Variants in CSMD1 observed in about 807,000 individuals in gnomAD.
CSMD1 encodes the protein CUB and Sushi multiple domains 1.
A neutral mutation model predicts 417.5 loss-of-function variants in CSMD1; 213 were observed. The ratio of observed to expected loss-of-function variants is 0.51; its 90% CI spans 0.46 to 0.57. The LOEUF (loss-of-function observed/expected upper bound fraction) is 0.57. Among genes scored for constraint, CSMD1 ranks in the 20% least tolerant of loss-of-function variants. CSMD1 has a pLI of 0.00. For synonymous variants in CSMD1, 2,862 were observed against 1,736.8 expected (o/e 1.65, Z -16.11); for missense variants, 6,923 against 4,529.7 (o/e 1.53, Z -15.17).
chr8:4,197,412 G>A (rs1799401873), intron 3 of CSMD1, among the ~76,000 whole-genome samples: 1 of 152,196 alleles, frequency 6.6e-6, no homozygotes, highest in Non-Finnish European at 1.5e-5. Flanking sequence ...ATTTCATTTG[G>A]TAGAATGAGT....
intron 1 of CSMD1, among the ~76,000 whole-genome samples, chr8:4,884,692 T>A (rs1477775276): frequency 6.6e-6 from 1 of 152,178 alleles, no homozygotes; most frequent in East Asian, 1.9e-4. Context: ...AAATAAGGGT[T>A]TATTTTTGGA....
chr8:3,253,165 T>G (rs1800399524), intron 26 of CSMD1, among the ~76,000 whole-genome samples: 1 of 152,296 alleles, frequency 6.6e-6, no homozygotes, highest in Non-Finnish European at 1.5e-5. Flanking sequence ...TGTGGGCATT[T>G]AGTGCTATAA....
intron 10 of CSMD1, chr8:3,515,144 G>A (rs771749271): frequency 2.0e-5 from 3 of 152,086 alleles, no homozygotes; most frequent in Non-Finnish European, 2.9e-5. Context: ...GAATACATGC[G>A]AAGGATCAAG....
At chr8:4,078,859 A>C in intron 3 of CSMD1, among the ~76,000 whole-genome samples, 1 of 144,056 alleles carries the variant, frequency 6.9e-6, no homozygotes, top group Admixed American at 7.0e-5. Context: ...AACGTAGTGA[A>C]AACCTGTCTC....
chr8:3,479,508 G>A (rs1465538522), intron 11 of CSMD1, among the ~76,000 whole-genome samples: 1 of 152,088 alleles, frequency 6.6e-6, no homozygotes, highest in African/African-American at 2.4e-5. Flanking sequence ...TTGAACTCCC[G>A]ACCTTAGGTG....
At position 4,456,975 on chromosome 8, in the gene CSMD1, GGTT is replaced by G. The variant is rs1799526704; in HGVS notation, c.303-36913_303-36911del. The stretch of plus-strand genomic sequence containing the variant: ...ATTTACAAGAGATTTTGATGAGTGT[GGTT>G]TTTTTTTAAAAAAAAAAAAAACAAC... On this transcript the variant is annotated intron_variant, in intron 2 of 69. Coordinates refer to ENST00000635120, the MANE Select transcript of CSMD1 (RefSeq NM_033225.6). Among the ~76,000 whole-genome samples, 6 of 50,360 alleles carry G rather than the reference GGTT, an allele frequency of 1.2e-4. No homozygotes were observed. In the South Asian group the frequency reaches 5.9e-3, roughly 50 times the overall value. 33.0% of individuals were successfully genotyped at this position (50,360 alleles called of 152,430 possible). A position where few individuals can be genotyped will look rare whatever the true frequency, so the allele number is the denominator to read the frequency against.
At chr8:4,095,766 C>G (rs186349762) in intron 3 of CSMD1, among the ~76,000 whole-genome samples, 2 of 152,126 alleles carry the variant, frequency 1.3e-5, no homozygotes, top group African/African-American at 4.8e-5. Context: ...AGTCCTATTA[C>G]GTGAATTCAG....
intron 5 of CSMD1, among the ~76,000 whole-genome samples, chr8:3,841,621 G>C (rs1433624482): frequency 3.3e-5 from 5 of 151,928 alleles, no homozygotes. Flanking sequence ...CTGGATCCTA[G>C]TTTTTCAGGT....
chr8:4,829,100 G>A (rs1427397335), intron 1 of CSMD1, among the ~76,000 whole-genome samples: 1 of 152,158 alleles, frequency 6.6e-6, no homozygotes, highest in Admixed American at 6.5e-5. Flanking sequence ...CAAAGAGGTG[G>A]CTAATGGTTA....
chr8:2,938,786 T>C, intron 69 of CSMD1, 42 bp from the exon 70 acceptor site: 1 of 1,547,170 alleles, frequency 6.5e-7, no homozygotes, highest in Non-Finnish European at 8.8e-7. Context: ...CCTGGTTTCA[T>C]TTGCAGATTT....
chr8:4,534,894 C>A (rs1417215732), intron 2 of CSMD1, among the ~76,000 whole-genome samples: 2 of 152,130 alleles, frequency 1.3e-5, no homozygotes, highest in African/African-American at 4.8e-5. Flanking sequence ...TCCCAAGTAG[C>A]TGGGACTACA....
At position 3,542,902 on chromosome 8, in the gene CSMD1, G is replaced by A. The variant is rs113493557; in HGVS notation, c.1344+32043C>T. On this transcript the variant is annotated intron_variant, in intron 10 of 69. Transcript: ENST00000635120. ...ACGGTGCAAGTGGGGCTCATGCGGT[G>A]GAGACACCGTCCTCCCCAGGCAGCT... 3.5e-3 allele frequency among the ~76,000 whole-genome samples: 537 copies of A among 152,276 alleles called. 2 individuals are homozygous for A. The highest frequency in any genetic ancestry group is 0.012 in the African/African-American group (503 of 41,556).
chr8:4,408,689 A>G (rs562725449), intron 3 of CSMD1, among the ~76,000 whole-genome samples: 2 of 152,324 alleles, frequency 1.3e-5, no homozygotes, highest in East Asian at 3.9e-4. Context: ...GAAACCAAGA[A>G]TAAGCCCATA....
chr8:3,018,424 T>A (rs941840866), intron 52 of CSMD1, 53 bp downstream of exon 52: 218 of 1,542,118 alleles, frequency 1.4e-4, no homozygotes, highest in Non-Finnish European at 1.9e-4. Flanking sequence ...AGCTGTAATC[T>A]ATTTCTAAGG....
chr8:3,701,740 T>C (rs180815640), intron 7 of CSMD1, among the ~76,000 whole-genome samples: 35 of 152,292 alleles, frequency 2.3e-4, no homozygotes, highest in African/African-American at 7.7e-4. Context: ...CAGTTATAAT[T>C]ACATCATTAA....
chr8:3,957,132 G>C (rs1270547024), intron 5 of CSMD1, among the ~76,000 whole-genome samples: 1 of 116,830 alleles, frequency 8.6e-6, no homozygotes, highest in Non-Finnish European at 1.9e-5. Flanking sequence ...CTAATGCCCT[G>C]CCTCTTTCTC....
chr8:4,293,244 C>A (rs935108218), intron 3 of CSMD1, among the ~76,000 whole-genome samples: 1 of 152,122 alleles, frequency 6.6e-6, no homozygotes, highest in African/African-American at 2.4e-5. Flanking sequence ...TCCAAGGGCA[C>A]AGAGTCGTGG....
intron 9 of CSMD1, among the ~76,000 whole-genome samples, chr8:3,584,165 TA>T (rs1305687589): frequency 5.9e-5 from 9 of 152,200 alleles, no homozygotes; most frequent in African/African-American, 2.2e-4. Flanking sequence ...AGAACTGAAG[TA>T]CTATTCAATG....
intron 3 of CSMD1, among the ~76,000 whole-genome samples, chr8:4,348,644 AGGGG>A (rs1373662487): frequency 1.0e-5 from 1 of 95,746 alleles, no homozygotes; most frequent in Non-Finnish European, 2.1e-5. Flanking sequence ...GGGGAGAGGG[AGGGG>A]GAGAGAGAGA....
Sources: gnomAD v4.1 joint callset for allele counts (sites outside exome capture counted in the v4.1 genomes callset) on GRCh38, gnomAD v4.1.1 for gene constraint, MANE v1.5 for transcripts, NCBI Gene and HGNC (gene_info 2026-07-23, HGNC 2026-07-21) for gene names.